Variants in NPFFR1 observed in about 807,000 individuals in gnomAD.
NPFFR1 encodes G-protein coupled receptor 147.
Under a neutral mutation model 12.7 loss-of-function variants are expected in NPFFR1, and 17 were observed. That is an observed-to-expected ratio of 1.34 (90% CI 0.92 to 2.01). The LOEUF (loss-of-function observed/expected upper bound fraction) is 2.01. Among genes scored for constraint, NPFFR1 ranks in the 30% most tolerant of loss-of-function variants. The probability of loss-of-function intolerance (pLI) is 0.00; values close to 1 mark genes in which losing one functional copy is unlikely to be tolerated. For missense variants in NPFFR1, 604 were observed against 606.5 expected (o/e 1.00, Z 0.04); for synonymous variants, 296 against 264.5 (o/e 1.12, Z -1.16).
intron 3 of NPFFR1, among the ~76,000 whole-genome samples, chr10:70,258,160 C>T (rs1007487601): frequency 1.3e-5 from 2 of 152,148 alleles, no homozygotes; most frequent in Admixed American, 1.3e-4. Context: ...TTCTCTTTCT[C>T]AGTCTCTCAT....
intron 1 of NPFFR1, among the ~76,000 whole-genome samples, chr10:70,276,690 C>T (rs1254886899): frequency 6.7e-6 from 1 of 148,820 alleles, no homozygotes; most frequent in Non-Finnish European, 1.5e-5. Flanking sequence ...CGGGTTCAAG[C>T]AATGCTCCTT....
rs989795502 is a variant in NPFFR1, at chr10:70,249,618, G to A, written c.*5339C>T. The stretch of plus-strand genomic sequence containing the variant: ...CTGCCTCAGTCTCCCAAGTAGCTGG[G>A]ATTACAGGCGCACATCACCACACCT... On this transcript the variant is annotated 3_prime_UTR_variant, in exon 4 of 4. Coordinates refer to ENST00000277942, the MANE Select transcript of NPFFR1 (RefSeq NM_022146.5). The A allele has an allele frequency of 5.3e-5, 8 of 151,334 alleles. No individual in the cohort carries two copies. Among genetic ancestry groups the A allele is most frequent in the Admixed American group, 4.6e-4 (7 of 15,182 alleles). 9.4% of individuals were successfully genotyped at this position (151,334 alleles called of 1,614,324 possible). A position where few individuals can be genotyped will look rare whatever the true frequency, so the allele number is the denominator to read the frequency against.
chr10:70,261,710 C>G (rs1840637750), intron 2 of NPFFR1, among the ~76,000 whole-genome samples: 1 of 152,210 alleles, frequency 6.6e-6, no homozygotes, highest in Admixed American at 6.5e-5. Flanking sequence ...AGAACAAATG[C>G]TCAGACCCAT....
intron 2 of NPFFR1, among the ~76,000 whole-genome samples, chr10:70,263,134 T>C (rs1008850785): frequency 1.3e-5 from 2 of 152,102 alleles, no homozygotes; most frequent in Non-Finnish European, 2.9e-5. Flanking sequence ...ACCACCGCAC[T>C]CCAGCCTTGG....
chr10:70,256,251 CT>C (rs1840571973), intron 3 of NPFFR1, among the ~76,000 whole-genome samples: 1 of 152,042 alleles, frequency 6.6e-6, no homozygotes. Context: ...CGGCTAATTT[CT>C]TTCAATTTTT....
intron 1 of NPFFR1, among the ~76,000 whole-genome samples, chr10:70,269,534 G>A (rs973872870): frequency 7.5e-5 from 11 of 146,938 alleles, no homozygotes; most frequent in South Asian, 4.3e-4. Context: ...TTTTTGAGAC[G>A]GAGTCTTGAT....
At chr10:70,282,978 A>G (rs1840877653) in intron 1 of NPFFR1, among the ~76,000 whole-genome samples, 1 of 152,094 alleles carries the variant, frequency 6.6e-6, no homozygotes, top group Non-Finnish European at 1.5e-5. Flanking sequence ...CTAGAATCCC[A>G]TCTCCCCAAC....
In NPFFR1 at chr10:70,252,904, AC is replaced by A. The variant is rs1840525508; in HGVS notation, c.*2052del. 6.6e-6 allele frequency: 1 copy of A among 152,046 alleles called. No individual in the cohort carries two copies. Among genetic ancestry groups the A allele is most frequent in the African/African-American group, 2.4e-5 (1 of 41,378 alleles). 9.4% of individuals were successfully genotyped at this position (152,046 alleles called of 1,614,324 possible). On this transcript the variant is annotated 3_prime_UTR_variant, in exon 4 of 4. Coordinates refer to ENST00000277942, the MANE Select transcript of NPFFR1 (RefSeq NM_022146.5). ...AAAGGAGAAACACACCCCAGAGGAG[AC>A]ACCAGGTGGTGTCTTCAGACAATTC... is the stretch of plus-strand genomic sequence containing the variant.
chr10:70,266,475 G>T, intron 1 of NPFFR1, 84 bp from the exon 2 acceptor site: 1 of 1,137,638 alleles, frequency 8.8e-7, no homozygotes, highest in Non-Finnish European at 1.2e-6. Context: ...CCCTCTGTGT[G>T]CCAAACCTTA....
rs754778980 is a variant in NPFFR1 at position 70,255,532 on chromosome 10, C to A, written c.718G>T (p.Ala240Ser). 2 of 1,548,910 alleles carry A rather than the reference C, an allele frequency of 1.3e-6. No homozygotes were observed. The highest frequency in any genetic ancestry group is 1.7e-6 in the Non-Finnish European group (2 of 1,145,864). Residue 240 changes from alanine to serine, a missense_variant, in exon 4 of 4, where the codon GCG becomes TCG. Physicochemically the swap from Ala to Ser is moderately conservative, Grantham distance 99. Transcript: ENST00000277942. This position sits in a 1 kb window ranked among gnomAD's most constrained non-coding sequence, Gnocchi z 4.2. The part of the protein sequence containing the change: ...ALIVVMYARI[A>S]RKLCQAPGPA... ...CCCGGGGCCTGGCAGAGCTTGCGCG[C>A]GATGCGGGCGTACATGACCACGATG...
In NPFFR1 at chr10:70,266,316, G is replaced by A; in HGVS notation, c.83C>T (p.Thr28Ile). The A allele has an allele frequency of 6.2e-7, 1 of 1,613,746 alleles. No homozygotes were observed. Among genetic ancestry groups the A allele is most frequent in the East Asian group, 2.2e-5 (1 of 44,884 alleles). Residue 28 changes from threonine to isoleucine, a missense_variant, in exon 2 of 4, where the codon ACA becomes ATA. Transcript: ENST00000277942. ...ATAGTAGGAGGAGAAGGTGAGGTTT[G>A]TAGCCGGGGTGGCCTCAGTGTTAGT... ...NGTNTEATPA[T>I]NLTFSSYYQH...
rs369918065 is a variant in NPFFR1 at position 70,254,956 on chromosome 10, C to A, written c.*1G>T. 1 of 1,428,204 alleles carries A rather than the reference C, an allele frequency of 7.0e-7. No individual in the cohort carries two copies. Among genetic ancestry groups the A allele is most frequent in the African/African-American group, 1.5e-5 (1 of 66,608 alleles). The allele number at this position is 1,428,204 out of a possible 1,614,324, so 88.5% of individuals were successfully genotyped here. ...CAGCGTCCCGCCCTCCCTGGACCCC[C>A]TCAGATATCCCAGGCTGGAATGGTG... On this transcript the variant is annotated 3_prime_UTR_variant, in exon 4 of 4. Transcript: ENST00000277942.
rs1435864116 is a variant in NPFFR1, at chr10:70,251,166, T to A, written c.*3791A>T. 4 of 152,254 alleles carry A rather than the reference T, an allele frequency of 2.6e-5. No homozygotes were observed. The highest frequency in any genetic ancestry group is 5.9e-5 in the Non-Finnish European group (4 of 68,046). The allele number at this position is 152,254 out of a possible 1,614,324, so 9.4% of individuals were successfully genotyped here. ...CCGCCTCCTTCTCATCTATCTTTCA[T>A]CAGTGACACTTCTGAGGGGTGAGCT... is the stretch of plus-strand genomic sequence containing the variant. On this transcript the variant is annotated 3_prime_UTR_variant, in exon 4 of 4. Coordinates refer to ENST00000277942, the MANE Select transcript of NPFFR1 (RefSeq NM_022146.5).
At chr10:70,260,295 C>T (rs1185972356) in intron 3 of NPFFR1, among the ~76,000 whole-genome samples, 1 of 152,202 alleles carries the variant, frequency 6.6e-6, no homozygotes, top group East Asian at 1.9e-4. Context: ...AGCTGGCCCC[C>T]TTAGCTCTGG....
chr10:70,267,180 G>C (rs971372003), intron 1 of NPFFR1, among the ~76,000 whole-genome samples: 1 of 152,174 alleles, frequency 6.6e-6, no homozygotes, highest in African/African-American at 2.4e-5. Flanking sequence ...AGGCAAGAAG[G>C]CAGTAGAGAA....
intron 3 of NPFFR1, among the ~76,000 whole-genome samples, chr10:70,257,654 T>C (rs1840586401): frequency 6.6e-6 from 1 of 152,242 alleles, no homozygotes; most frequent in South Asian, 2.1e-4. Flanking sequence ...GGGTCTGTGC[T>C]GAGGTGGATT....
chr10:70,255,833 G>C lies in NPFFR1; in HGVS notation c.423-6C>G. 1 of 1,601,966 alleles carries C rather than the reference G, an allele frequency of 6.2e-7. No individual in the cohort carries two copies. The highest frequency in any genetic ancestry group is 8.5e-7 in the Non-Finnish European group (1 of 1,174,126). On this transcript the variant is annotated splice_region_variant and splice_polypyrimidine_tract_variant and intron_variant, in intron 3 of 3. Coordinates refer to ENST00000277942, the MANE Select transcript of NPFFR1 (RefSeq NM_022146.5). The surrounding 1 kb of genome is among the most constrained non-coding windows in gnomAD (Gnocchi z 4.2). ...GGTGCACGATGCAGCGGAACCTGCC[G>C]CGGGGAGAGAGACAGGCGGGATCTG...
Position 70,254,766 on chromosome 10 carries a change from G to A in NPFFR1, c.*191C>T, listed in dbSNP as rs1444604232. 1 of 574,794 alleles carries A rather than the reference G, an allele frequency of 1.7e-6. No homozygotes were observed. Among genetic ancestry groups the A allele is most frequent in the Non-Finnish European group, 2.6e-6 (1 of 379,452 alleles). The allele number at this position is 574,794 out of a possible 1,614,324, so 35.6% of individuals were successfully genotyped here. ...ACACAGGGCAAGTTGGTTCCTTCCC[G>A]TCCCCCGCATTTGCCTCTACTGAGG... is the stretch of plus-strand genomic sequence containing the variant. On this transcript the variant is annotated 3_prime_UTR_variant, in exon 4 of 4. Transcript: ENST00000277942.
In NPFFR1 at chr10:70,253,167, G is replaced by T. The variant is rs1840528061; in HGVS notation, c.*1790C>A. 1 of 152,370 alleles carries T rather than the reference G, an allele frequency of 6.6e-6. No individual in the cohort carries two copies. The highest frequency in any genetic ancestry group is 1.5e-5 in the Non-Finnish European group (1 of 68,272). The allele number at this position is 152,370 out of a possible 1,614,324, so 9.4% of individuals were successfully genotyped here. A position where few individuals can be genotyped will look rare whatever the true frequency, so the allele number is the denominator to read the frequency against. On this transcript the variant is annotated 3_prime_UTR_variant, in exon 4 of 4. Coordinates refer to ENST00000277942, the MANE Select transcript of NPFFR1 (RefSeq NM_022146.5). ...CCCTCATCCATCACCCCCAGAACCA[G>T]GACAAGGTCATGATGGCTCTTGGCA...
Sources: allele counts gnomAD v4.1 joint callset (sites outside exome capture counted in the v4.1 genomes callset), GRCh38; gene constraint gnomAD v4.1.1; non-coding constraint Gnocchi (gnomAD v3.1); transcripts MANE v1.5; gene names NCBI Gene and HGNC (gene_info 2026-07-23, HGNC 2026-07-21).